Variants in AXDND1 observed in about 807,000 individuals in gnomAD.
AXDND1 encodes axonemal dynein light chain domain containing 1.
Under a neutral mutation model 137.5 loss-of-function variants are expected in AXDND1, and 110 were observed. The observed-to-expected ratio is 0.80, with a 90% CI of 0.69 to 0.94. The LOEUF (loss-of-function observed/expected upper bound fraction) is 0.94, where lower values mean the gene tolerates loss of function less well. AXDND1 is among the 40% of genes least tolerant of loss of function. The probability of loss-of-function intolerance (pLI) is 0.00; values close to 1 mark genes in which losing one functional copy is unlikely to be tolerated. For synonymous variants in AXDND1, 414 were observed against 399.7 expected, an observed-to-expected ratio of 1.04 and a Z score of -0.43; for missense variants, 1,191 against 1,169.8, an observed-to-expected ratio of 1.02 and a Z score of -0.26.
chr1:179,525,647 C>T (rs564369298), intron 22 of AXDND1, among the ~76,000 whole-genome samples, 200 bp downstream of exon 22: 22 of 152,090 alleles, frequency 1.4e-4, no homozygotes, highest in Non-Finnish European at 2.6e-4. Flanking sequence ...CAGGCATGCA[C>T]CACCATGCCT....
At chr1:179,537,967 A>C (rs1461992568) in intron 25 of AXDND1, among the ~76,000 whole-genome samples, 1 of 152,160 alleles carries the variant, frequency 6.6e-6, no homozygotes, top group African/African-American at 2.4e-5. Flanking sequence ...TAGATTTTCT[A>C]GTTTATTTGC....
chr1:179,434,334 C>A (rs918233538), intron 15 of AXDND1, among the ~76,000 whole-genome samples: 1 of 152,128 alleles, frequency 6.6e-6, no homozygotes, highest in Non-Finnish European at 1.5e-5. Context: ...AGGAGGGACT[C>A]CTCCTTAACT....
At chr1:179,409,737 C>A (rs1016084493) in intron 11 of AXDND1, among the ~76,000 whole-genome samples, 1 of 152,122 alleles carries the variant, frequency 6.6e-6, no homozygotes, top group East Asian at 1.9e-4. Context: ...CAAAAATTAG[C>A]CAGGCGTGGA....
At chr1:179,398,648 C>CATGGG (rs1233836913) in intron 11 of AXDND1, among the ~76,000 whole-genome samples, 1 of 152,142 alleles carries the variant, frequency 6.6e-6, no homozygotes, top group African/African-American at 2.4e-5. Context: ...GTGGTCTTAG[C>CATGGG]ATGGGGGCAA....
chr1:179,517,905 A>C (rs2125665047), intron 21 of AXDND1, among the ~76,000 whole-genome samples: 1 of 152,234 alleles, frequency 6.6e-6, no homozygotes. Context: ...AAAATTTCTC[A>C]CGTGAGCCTC....
intron 23 of AXDND1, among the ~76,000 whole-genome samples, chr1:179,531,859 G>A (rs1057382369): frequency 1.3e-5 from 2 of 152,160 alleles, no homozygotes; most frequent in African/African-American, 4.8e-5. Flanking sequence ...CAGCACATAG[G>A]CACAAGCAAG....
chr1:179,469,464 A>G (rs769599392), intron 17 of AXDND1, among the ~76,000 whole-genome samples: 1 of 152,212 alleles, frequency 6.6e-6, no homozygotes, highest in Non-Finnish European at 1.5e-5. Flanking sequence ...TAATGTTTCA[A>G]TAAACATTCA....
At chr1:179,489,549 G>A (rs1469697665) in intron 18 of AXDND1, among the ~76,000 whole-genome samples, 4 of 152,130 alleles carry the variant, frequency 2.6e-5, no homozygotes, top group Non-Finnish European at 4.4e-5. Context: ...GAATATGTAA[G>A]GAAGTAGTAT....
chr1:179,382,776 TA>T lies in AXDND1; in HGVS notation c.638+23del, dbSNP rs758543096. On this transcript the variant is annotated intron_variant, in intron 7 of 25. Coordinates refer to ENST00000367618, the MANE Select transcript of AXDND1 (RefSeq NM_144696.6). ...ATCCATGTAAGTACAGTTTATTTTC[TA>T]AAGTCTTTCTCAGAAAGAATACCTA... The T allele has an allele frequency of 3.2e-6, 5 of 1,564,886 alleles. No homozygotes were observed. Among genetic ancestry groups the T allele is most frequent in the Non-Finnish European group, 4.4e-6 (5 of 1,137,406 alleles).
At chr1:179,369,524 C>T (rs1376120359) in intron 3 of AXDND1, among the ~76,000 whole-genome samples, 2 of 151,976 alleles carry the variant, frequency 1.3e-5, no homozygotes, top group African/African-American at 4.8e-5. Flanking sequence ...TAGTGGCATG[C>T]GCCTATAGTC....
At chr1:179,523,530 A>G (rs750497734) in intron 21 of AXDND1, among the ~76,000 whole-genome samples, 3 of 152,128 alleles carry the variant, frequency 2.0e-5, no homozygotes, top group Non-Finnish European at 4.4e-5. Context: ...GTTAGCAGTC[A>G]CTCAAATTTC....
chr1:179,383,536 C>T lies in AXDND1; in HGVS notation c.733C>T (p.Pro245Ser). The change falls in exon 8 of 26, where the codon CCA becomes TCA. Residue 245 changes from proline (P) to serine (S), a missense_variant. Physicochemically the swap from Pro to Ser is moderately conservative, Grantham distance 74. Coordinates refer to ENST00000367618, the MANE Select transcript of AXDND1 (RefSeq NM_144696.6). The part of the protein sequence containing the change: ...AGVENQEYTG[P>S]TKMHKLLHIL... ...TGTGGAAAATCAGGAATATACAGGACCAACGAAGGTAATTGCAAAGCCGAA... is the reference window on the plus strand; with the variant it reads ...TGTGGAAAATCAGGAATATACAGGATCAACGAAGGTAATTGCAAAGCCGAA... The T allele has an allele frequency of 6.2e-7, 1 of 1,612,190 alleles. No homozygotes were observed. Among genetic ancestry groups the T allele is most frequent in the South Asian group, 1.1e-5 (1 of 90,962 alleles).
chr1:179,500,070 C>T (rs561471707), intron 20 of AXDND1, among the ~76,000 whole-genome samples: 2 of 152,012 alleles, frequency 1.3e-5, no homozygotes, highest in African/African-American at 2.4e-5. Flanking sequence ...TATACAAAAA[C>T]GCAAAAGGGA....
At chr1:179,467,615 A>T (rs769495032) in intron 16 of AXDND1, among the ~76,000 whole-genome samples, 1 of 152,210 alleles carries the variant, frequency 6.6e-6, no homozygotes, top group East Asian at 1.9e-4. Flanking sequence ...CCTGAAACCA[A>T]TCCTCTGTAG....
intron 12 of AXDND1, among the ~76,000 whole-genome samples, chr1:179,417,964 A>AT (rs1163933485): frequency 1.3e-5 from 2 of 149,870 alleles, no homozygotes; most frequent in Non-Finnish European, 3.0e-5. Flanking sequence ...TTGCTATTTT[A>AT]TTTTTATTTA....
At chr1:179,429,284 T>G (rs1054789478) in intron 12 of AXDND1, among the ~76,000 whole-genome samples, 7 of 152,182 alleles carry the variant, frequency 4.6e-5, no homozygotes, top group African/African-American at 1.4e-4. Flanking sequence ...ATAACATTTT[T>G]TGTATAAAGG....
chr1:179,516,654 A>T (rs1242563480), intron 21 of AXDND1, among the ~76,000 whole-genome samples: 1 of 152,108 alleles, frequency 6.6e-6, no homozygotes, highest in African/African-American at 2.4e-5. Flanking sequence ...TTCTCCCTTG[A>T]TGTAGTACTC....
At position 179,385,362 on chromosome 1, in the gene AXDND1, T is replaced by C. The variant is rs767435848; in HGVS notation, c.863+3T>C. On this transcript the variant is annotated splice_donor_region_variant and intron_variant, in intron 9 of 25. Coordinates refer to ENST00000367618, the MANE Select transcript of AXDND1 (RefSeq NM_144696.6). Reference sequence around the variant, plus strand: ...GGAGAACTTCTGTCTAAAGTCAGGTTAGTGCTGTTATTGGAATGGTCCAGT... The same window carrying C: ...GGAGAACTTCTGTCTAAAGTCAGGTCAGTGCTGTTATTGGAATGGTCCAGT... 6.2e-7 allele frequency: 1 copy of C among 1,614,038 alleles called. No individual in the cohort carries two copies.
chr1:179,502,726 G>A (rs889399139), intron 20 of AXDND1, among the ~76,000 whole-genome samples: 9 of 151,902 alleles, frequency 5.9e-5, no homozygotes, highest in African/African-American at 2.2e-4. Context: ...AACACACTTT[G>A]CAACAAACAA....
Sources: allele counts gnomAD v4.1 joint callset (sites outside exome capture counted in the v4.1 genomes callset), GRCh38; gene constraint gnomAD v4.1.1; transcripts MANE v1.5; gene names NCBI Gene and HGNC (gene_info 2026-07-23, HGNC 2026-07-21).